Variants in TBC1D22B observed in about 807,000 individuals in gnomAD.
TBC1D22B encodes chromosome 6 open reading frame 197.
Under a neutral mutation model 69.1 loss-of-function variants are expected in TBC1D22B, and 32 were observed. The observed-to-expected ratio is 0.46, with a 90% CI of 0.35 to 0.62. TBC1D22B has a LOEUF of 0.62. Among genes scored for constraint, TBC1D22B ranks in the 20% least tolerant of loss-of-function variants. The pLI, the probability that TBC1D22B is intolerant of heterozygous loss-of-function variation, is 0.00. For missense variants in TBC1D22B, 462 were observed against 630.9 expected (o/e 0.73, Z 2.87); for synonymous variants, 206 against 229.8 (o/e 0.90, Z 0.94).
At chr6:37,259,015 A>T (rs201046291) in intron 1 of TBC1D22B, among the ~76,000 whole-genome samples, 2 of 137,940 alleles carry the variant, frequency 1.4e-5, no homozygotes, top group African/African-American at 2.7e-5. Flanking sequence ...AAGAGCCTTA[A>T]TTTTTTTTTT....
chr6:37,262,570 A>C (rs908509986), intron 1 of TBC1D22B, among the ~76,000 whole-genome samples: 1 of 152,238 alleles, frequency 6.6e-6, no homozygotes, highest in Non-Finnish European at 1.5e-5. Context: ...TAAAATAATA[A>C]TGAATCTGAT....
intron 12 of TBC1D22B, among the ~76,000 whole-genome samples, chr6:37,319,268 A>G (rs1768170029): frequency 6.6e-6 from 1 of 152,224 alleles, no homozygotes; most frequent in African/African-American, 2.4e-5. Flanking sequence ...AGGATAAATG[A>G]GGACAAGGGG....
At chr6:37,313,767 T>C in intron 9 of TBC1D22B, 49 bp from the exon 10 acceptor site, 3 of 1,560,010 alleles carry the variant, frequency 1.9e-6, no homozygotes, top group Non-Finnish European at 2.7e-6. Context: ...TGTCAGGTGA[T>C]AACACAAGTT....
chr6:37,317,899 T>A (rs1303271324), intron 12 of TBC1D22B, among the ~76,000 whole-genome samples: 1 of 152,128 alleles, frequency 6.6e-6, no homozygotes, highest in African/African-American at 2.4e-5. Context: ...ATCATGACGG[T>A]CACTGGTGTG....
At chr6:37,326,560 G>A (rs1768410998) in intron 12 of TBC1D22B, among the ~76,000 whole-genome samples, 1 of 152,068 alleles carries the variant, frequency 6.6e-6, no homozygotes, top group Non-Finnish European at 1.5e-5. Context: ...AGGCCGAGGT[G>A]GGCAGATCCC....
At chr6:37,276,769 T>C (rs1766683657) in intron 2 of TBC1D22B, among the ~76,000 whole-genome samples, 1 of 152,068 alleles carries the variant, frequency 6.6e-6, no homozygotes, top group Non-Finnish European at 1.5e-5. Flanking sequence ...TGCGTGCCTG[T>C]AGTCCCAGCT....
Position 37,331,186 on chromosome 6 carries a change from C to G in TBC1D22B, c.*14C>G. 1.2e-6 allele frequency: 2 copies of G among 1,613,524 alleles called. No homozygotes were observed. Among genetic ancestry groups the G allele is most frequent in the Non-Finnish European group, 1.7e-6 (2 of 1,179,614 alleles). ...TACCGCCGATAGGTGCTGTCTCCTC[C>G]GGGGACCCAGACTGCCTTCATCTCT... On this transcript the variant is annotated 3_prime_UTR_variant, in exon 13 of 13. Transcript: ENST00000373491.
chr6:37,317,039 A>G (rs1768105738), intron 11 of TBC1D22B, 72 bp from the exon 12 acceptor site: 3 of 1,496,592 alleles, frequency 2.0e-6, no homozygotes, highest in Admixed American at 2.0e-5. Flanking sequence ...CCCAGAAGGA[A>G]TGGAACTGAG....
rs1341909845 is a variant in TBC1D22B at position 37,331,147 on chromosome 6, A to G, written c.1493A>G (p.Asp498Gly). The change falls in exon 13 of 13, where the codon GAT (aspartate) becomes GGT (glycine). Residue 498 changes from aspartate to glycine, a missense_variant. Coordinates refer to ENST00000373491, the MANE Select transcript of TBC1D22B (RefSeq NM_017772.4). ...TACAGACTCAAGTACATGTTTGCCGATGCCCCAAATCACTACCGCCGATAG... is the reference window on the plus strand; with the variant it reads ...TACAGACTCAAGTACATGTTTGCCGGTGCCCCAAATCACTACCGCCGATAG... ...EAYRLKYMFA[D>G]APNHYRR 2.5e-6 allele frequency: 4 copies of G among 1,614,150 alleles called. No individual in the cohort carries two copies. The Admixed American group carries it at 6.7e-5, about 27-fold the overall frequency.
At chr6:37,331,002 C>G (rs200869181) in intron 12 of TBC1D22B, 42 bp from the exon 13 acceptor site, 716 of 1,610,616 alleles carry the variant, frequency 4.4e-4, no homozygotes, top group Non-Finnish European at 5.7e-4. Flanking sequence ...GTCTGATGGT[C>G]TACGGTCTGG....
chr6:37,260,058 C>T (rs760432652), intron 1 of TBC1D22B, among the ~76,000 whole-genome samples: 12 of 152,110 alleles, frequency 7.9e-5, no homozygotes, highest in Non-Finnish European at 1.6e-4. Context: ...TAGTACCTTA[C>T]TTGGTAAAGA....
At chr6:37,304,776 TTC>T (rs1184110270) in intron 8 of TBC1D22B, among the ~76,000 whole-genome samples, 1 of 152,228 alleles carries the variant, frequency 6.6e-6, no homozygotes, top group Non-Finnish European at 1.5e-5. Context: ...CTATGCGTAA[TTC>T]TACTTTTTTA....
chr6:37,295,655 C>G (rs1767340336), intron 8 of TBC1D22B: 3 of 432,136 alleles, frequency 6.9e-6, no homozygotes, highest in South Asian at 5.8e-5. Flanking sequence ...AAGGTTCTTA[C>G]AGATCAAATA....
intron 12 of TBC1D22B, among the ~76,000 whole-genome samples, chr6:37,323,347 G>A (rs1768304122): frequency 6.6e-6 from 1 of 152,152 alleles, no homozygotes. Context: ...GGGCAACATA[G>A]GGAGACCCTG....
At chr6:37,288,504 G>A (rs373148372) in intron 7 of TBC1D22B, among the ~76,000 whole-genome samples, 244 of 152,286 alleles carry the variant, frequency 1.6e-3, no homozygotes, top group African/African-American at 4.5e-3. Flanking sequence ...TTGAGCCCAC[G>A]AGTTTGAGAC....
intron 12 of TBC1D22B, among the ~76,000 whole-genome samples, chr6:37,323,363 A>G (rs906440798): frequency 6.6e-6 from 1 of 151,942 alleles, no homozygotes; most frequent in Non-Finnish European, 1.5e-5. Context: ...CCCTGTCTCT[A>G]AAAAAAATAT....
Sources: allele counts gnomAD v4.1 joint callset (sites outside exome capture counted in the v4.1 genomes callset), GRCh38; gene constraint gnomAD v4.1.1; transcripts MANE v1.5; gene names NCBI Gene and HGNC (gene_info 2026-07-23, HGNC 2026-07-21).